Variants in GALNTL6 observed in about 807,000 individuals in gnomAD.
The protein encoded by GALNTL6 is polypeptide N-acetylgalactosaminyltransferase-like 6.
A neutral mutation model predicts 73.7 loss-of-function variants in GALNTL6; 46 were observed. That is an observed-to-expected ratio of 0.62 (90% CI 0.49 to 0.80). The LOEUF is 0.80. Ranked by LOEUF, GALNTL6 falls within the 30% of genes least tolerant of loss-of-function variation. GALNTL6 has a pLI of 0.00. For missense variants in GALNTL6, 604 were observed against 755.0 expected, an observed-to-expected ratio of 0.80 and a Z score of 2.34; for synonymous variants, 259 against 263.7, an observed-to-expected ratio of 0.98 and a Z score of 0.17.
At chr4:172,112,064 T>C (rs1371299772) in intron 2 of GALNTL6, among the ~76,000 whole-genome samples, 1 of 152,058 alleles carries the variant, frequency 6.6e-6, no homozygotes, top group African/African-American at 2.4e-5. Flanking sequence ...CATCCATTCA[T>C]CCTCCCTGTG....
intron 2 of GALNTL6, among the ~76,000 whole-genome samples, chr4:172,152,000 T>C (rs1734104562): frequency 6.6e-6 from 1 of 151,674 alleles, no homozygotes. Flanking sequence ...GTTTTTAAAC[T>C]GCGTCTCTCT....
intron 7 of GALNTL6, among the ~76,000 whole-genome samples, chr4:172,854,386 CA>C (rs1270315165): frequency 1.3e-5 from 2 of 152,056 alleles, no homozygotes; most frequent in Non-Finnish European, 2.9e-5. Flanking sequence ...AGTTTGAATT[CA>C]AAAAAATCTT....
At chr4:172,042,267 A>G (rs1742106005) in intron 2 of GALNTL6, among the ~76,000 whole-genome samples, 1 of 152,124 alleles carries the variant, frequency 6.6e-6, no homozygotes, top group Non-Finnish European at 1.5e-5. Context: ...AATTTTATTT[A>G]AACTATTTAC....
intron 2 of GALNTL6, among the ~76,000 whole-genome samples, chr4:171,847,264 C>A (rs1219371709): frequency 2.0e-5 from 3 of 152,174 alleles, no homozygotes; most frequent in Non-Finnish European, 2.9e-5. Context: ...GTTGTGTTTA[C>A]ACTATACTAT....
At chr4:172,818,352 A>G in intron 7 of GALNTL6, among the ~76,000 whole-genome samples, 1 of 152,330 alleles carries the variant, frequency 6.6e-6, no homozygotes, top group African/African-American at 2.4e-5. Context: ...TATTTTTCAG[A>G]ATCCACCTCT....
At chr4:172,230,114 A>G (rs147476914) in intron 3 of GALNTL6, among the ~76,000 whole-genome samples, 50 of 152,242 alleles carry the variant, frequency 3.3e-4, no homozygotes, top group African/African-American at 1.1e-3. Context: ...CTTAGAGCTG[A>G]AGTGTATCTA....
chr4:172,236,534 G>A (rs1442046437), intron 3 of GALNTL6, among the ~76,000 whole-genome samples: 12 of 145,386 alleles, frequency 8.3e-5, no homozygotes, highest in Admixed American at 1.4e-4. Flanking sequence ...ACTCCAGCCT[G>A]GGCGACAGAG....
chr4:172,036,544 T>C (rs1365821913), intron 2 of GALNTL6, among the ~76,000 whole-genome samples: 1 of 152,194 alleles, frequency 6.6e-6, no homozygotes, highest in Non-Finnish European at 1.5e-5. Context: ...CGATACTCAC[T>C]GTTCGTACAT....
chr4:172,910,903 T>C (rs1747163526), intron 8 of GALNTL6, among the ~76,000 whole-genome samples: 1 of 152,180 alleles, frequency 6.6e-6, no homozygotes, highest in Non-Finnish European at 1.5e-5. Flanking sequence ...GTTCCATATG[T>C]TACACAACTC....
intron 5 of GALNTL6, among the ~76,000 whole-genome samples, chr4:172,445,150 CCTCCTGCTCACTGG>C (rs1731975044): frequency 6.6e-6 from 1 of 152,182 alleles, no homozygotes. Context: ...GAAGTTAGGA[CCTCCTGCTCACTGG>C]TTTCCCCCAC....
At chr4:172,617,039 T>C (rs1301128075) in intron 5 of GALNTL6, among the ~76,000 whole-genome samples, 1 of 152,076 alleles carries the variant, frequency 6.6e-6, no homozygotes, top group African/African-American at 2.4e-5. Flanking sequence ...AGGTAAAATG[T>C]TTCGCATTTT....
intron 2 of GALNTL6, among the ~76,000 whole-genome samples, chr4:171,926,035 C>T (rs28475852): frequency 0.018 from 2,684 of 152,042 alleles, 79 homozygotes; most frequent in African/African-American, 0.062. Context: ...GTGCACATAA[C>T]TAAGATTAAA....
Position 171,981,840 on chromosome 4 carries a change from GATTT to G in GALNTL6, c.138+167127_138+167130del, listed in dbSNP as rs555763356. Among the ~76,000 whole-genome samples the G allele has an allele frequency of 4.7e-4, 71 of 151,760 alleles. 1 individual carries two copies. In the South Asian group the frequency reaches 8.1e-3, roughly 17 times the overall value. ...AAAGGAAATTATTCTCAATGATTAAGATTTATTTCTCTTCCTTAATTCTATTTAA... is the reference window on the plus strand; with the variant it reads ...AAAGGAAATTATTCTCAATGATTAAGATTTCTCTTCCTTAATTCTATTTAA... On this transcript the variant is annotated intron_variant, in intron 2 of 12. Coordinates refer to ENST00000506823, the MANE Select transcript of GALNTL6 (RefSeq NM_001034845.3).
intron 2 of GALNTL6, among the ~76,000 whole-genome samples, chr4:171,848,952 A>G (rs1228918526): frequency 1.3e-5 from 2 of 152,008 alleles, no homozygotes; most frequent in Non-Finnish European, 2.9e-5. Flanking sequence ...AATAAATGTA[A>G]GAGGTACAAG....
intron 12 of GALNTL6, among the ~76,000 whole-genome samples, chr4:173,034,132 T>C (rs1359694489): frequency 6.6e-6 from 1 of 152,200 alleles, no homozygotes; most frequent in African/African-American, 2.4e-5. Context: ...GAATGCCCAA[T>C]GCATTTCACT....
In GALNTL6 at chr4:171,954,557, G is replaced by A. The variant is rs573841404; in HGVS notation, c.138+139839G>A. Among the ~76,000 whole-genome samples the A allele has an allele frequency of 2.0e-4, 30 of 152,254 alleles. No individual in the cohort carries two copies. The South Asian group carries it at 3.5e-3, about 18-fold the overall frequency. ...TAAGAAATACACAAGGGAGAAGTGG[G>A]GAAGAGATTATAGATAAGTACATAC... On this transcript the variant is annotated intron_variant, in intron 2 of 12. Coordinates refer to ENST00000506823, the MANE Select transcript of GALNTL6 (RefSeq NM_001034845.3).
intron 4 of GALNTL6, among the ~76,000 whole-genome samples, chr4:172,312,738 G>A (rs886697311): frequency 6.6e-6 from 1 of 152,106 alleles, no homozygotes; most frequent in Non-Finnish European, 1.5e-5. Flanking sequence ...AAAAATATCA[G>A]TACATTATGG....
intron 12 of GALNTL6, among the ~76,000 whole-genome samples, chr4:173,036,951 T>G (rs1753723612): frequency 6.6e-6 from 1 of 152,148 alleles, no homozygotes. Context: ...AAAAGACAAT[T>G]ACTTGATCCA....
At chr4:172,928,229 G>A (rs1748160438) in intron 8 of GALNTL6, among the ~76,000 whole-genome samples, 4 of 152,142 alleles carry the variant, frequency 2.6e-5, no homozygotes, top group Admixed American at 2.6e-4. Context: ...GAAAGAGTTT[G>A]CATAATCTAT....
Sources: allele counts gnomAD v4.1 joint callset (sites outside exome capture counted in the v4.1 genomes callset), GRCh38; gene constraint gnomAD v4.1.1; transcripts MANE v1.5; gene names NCBI Gene and HGNC (gene_info 2026-07-23, HGNC 2026-07-21).